The following URI1 variants were observed in gnomAD, a reference collection of about 807,000 sequenced individuals.
The protein encoded by URI1 is unconventional prefoldin RPB5 interactor 1.
In URI1, 39 loss-of-function variants were observed where a neutral mutation model predicts 60.2. The ratio of observed to expected loss-of-function variants is 0.65; its 90% CI spans 0.50 to 0.85. The LOEUF (loss-of-function observed/expected upper bound fraction) is 0.85. URI1 is among the 40% of genes least tolerant of loss of function. The pLI is 0.00. For missense variants in URI1, 691 were observed against 665.9 expected (o/e 1.04, Z -0.42); for synonymous variants, 251 against 236.8 (o/e 1.06, Z -0.55).
intron 4 of URI1, among the ~76,000 whole-genome samples, chr19:29,997,350 A>G (rs2055824852): frequency 6.6e-6 from 1 of 151,926 alleles, no homozygotes; most frequent in East Asian, 1.9e-4. Context: ...TGTTTGTACT[A>G]TTTCTGTATA....
In URI1 at chr19:30,008,231, C is replaced by T. The variant is rs185256049; in HGVS notation, c.686+593C>T. Among the ~76,000 whole-genome samples, 1,246 of 152,124 alleles carry T rather than the reference C, an allele frequency of 8.2e-3. 7 individuals carry two copies. Among genetic ancestry groups the T allele is most frequent in the Non-Finnish European group, 0.011 (757 of 67,940 alleles). On this transcript the variant is annotated intron_variant, in intron 7 of 10. Coordinates refer to ENST00000392271, the MANE Select transcript of URI1 (RefSeq NM_003796.3). ...AAAATGCTAAATGAAATCTGCTACT[C>T]GAGAAGTTCTATATTATTTTGCTTA...
chr19:29,997,701 G>A (rs1288753923), intron 4 of URI1, among the ~76,000 whole-genome samples: 3 of 151,466 alleles, frequency 2.0e-5, no homozygotes, highest in Non-Finnish European at 4.4e-5. Context: ...ATCTTTCTTA[G>A]CATTGCTTTG....
At chr19:29,998,639 G>T (rs1046127987) in intron 4 of URI1, among the ~76,000 whole-genome samples, 2 of 151,744 alleles carry the variant, frequency 1.3e-5, no homozygotes, top group African/African-American at 2.4e-5. Context: ...TTCTTTTTTG[G>T]TTACTATTGG....
chr19:29,982,223 T>C (rs886273917), intron 2 of URI1, among the ~76,000 whole-genome samples: 3 of 152,240 alleles, frequency 2.0e-5, no homozygotes, highest in African/African-American at 7.2e-5. Flanking sequence ...ATTCAAAATT[T>C]ATAAATAGCA....
intron 1 of URI1, among the ~76,000 whole-genome samples, chr19:29,927,608 G>A (rs778403648): frequency 1.3e-4 from 14 of 108,906 alleles, no homozygotes; most frequent in Non-Finnish European, 2.2e-4. Context: ...TCACTCTGTC[G>A]CCCAGGCTAG....
rs190941585 is a variant in URI1, at chr19:30,007,536, T to C, written c.584T>C (p.Ile195Thr). Residue 195 changes from isoleucine (I) to threonine (T), a missense_variant, in exon 7 of 11, where the codon ATT becomes ACT. Ile to Thr is a moderately conservative substitution (Grantham distance 89). Coordinates refer to ENST00000392271, the MANE Select transcript of URI1 (RefSeq NM_003796.3). ...PKTSDIFEADIANDVKSKDLL... is the reference protein window; with the variant it reads ...PKTSDIFEADTANDVKSKDLL... ...ACTTCAGATATTTTTGAAGCAGATA[T>C]TGCAAATGATGTGAAATCCAAGGAT... The C allele has an allele frequency of 9.3e-6, 15 of 1,613,540 alleles. No individual in the cohort carries two copies. The highest frequency in any genetic ancestry group is 1.3e-5 in the African/African-American group (1 of 74,988).
chr19:29,969,577 CAT>C (rs1285114013), intron 1 of URI1, among the ~76,000 whole-genome samples: 1 of 152,100 alleles, frequency 6.6e-6, no homozygotes, highest in East Asian at 1.9e-4. Flanking sequence ...AAAGGATTAT[CAT>C]GTAGAGGTTA....
At chr19:29,981,258 T>C (rs1472359657) in intron 2 of URI1, among the ~76,000 whole-genome samples, 1 of 152,184 alleles carries the variant, frequency 6.6e-6, no homozygotes, top group Non-Finnish European at 1.5e-5. Context: ...TGTACCCTAA[T>C]CCGTTAATCC....
chr19:29,993,587 G>A (rs1024612737), intron 4 of URI1, among the ~76,000 whole-genome samples: 4 of 151,974 alleles, frequency 2.6e-5, no homozygotes, highest in South Asian at 4.1e-4. Context: ...CGTTAGCACC[G>A]AATACAGCTT....
At chr19:30,003,993 T>G (rs905732355) in intron 4 of URI1, among the ~76,000 whole-genome samples, 1 of 152,050 alleles carries the variant, frequency 6.6e-6, no homozygotes, top group Non-Finnish European at 1.5e-5. Flanking sequence ...TATGCTGTTA[T>G]GTGACCATGC....
intron 1 of URI1, among the ~76,000 whole-genome samples, chr19:29,945,972 C>T (rs1360394695): frequency 2.0e-5 from 3 of 151,926 alleles, no homozygotes; most frequent in Non-Finnish European, 4.4e-5. Context: ...TGGCTCTTGG[C>T]TGGTTTGAAT....
At chr19:29,939,611 G>A (rs527953330), upstream of URI1, among the ~76,000 whole-genome samples, 10 of 152,320 alleles carry the variant, frequency 6.6e-5, no homozygotes, top group South Asian at 2.1e-3. Context: ...GTGCTACAAA[G>A]AAAATTTAAA....
At chr19:29,955,661 C>CT (rs11330190) in intron 1 of URI1, among the ~76,000 whole-genome samples, 2 of 147,790 alleles carry the variant, frequency 1.4e-5, no homozygotes, top group African/African-American at 4.9e-5. Context: ...TTTTTCTTTT[C>CT]TTTTTTTTTT....
rs113042058 is a variant in URI1, at chr19:30,005,713, G to A, written c.517+5G>A. On this transcript the variant is annotated splice_donor_5th_base_variant and intron_variant, in intron 6 of 10. Coordinates refer to ENST00000392271, the MANE Select transcript of URI1 (RefSeq NM_003796.3). ...AATGTGACTTCGAATTTAAAGGTAA[G>A]CAGTAAGATTGTTTTATGTGTAGCT... 7 of 1,609,462 alleles carry A rather than the reference G, an allele frequency of 4.3e-6. No homozygotes were observed. The African/African-American group carries it at 6.7e-5, about 15-fold the overall frequency.
intron 1 of URI1, among the ~76,000 whole-genome samples, chr19:29,937,028 A>T (rs1255447337): frequency 6.6e-6 from 1 of 152,210 alleles, no homozygotes; most frequent in Non-Finnish European, 1.5e-5. Context: ...CTGGGATTAC[A>T]GGCATGAGCC....
chr19:29,970,112 A>G (rs936653719), intron 1 of URI1, among the ~76,000 whole-genome samples: 1 of 150,832 alleles, frequency 6.6e-6, no homozygotes, highest in East Asian at 1.9e-4. Context: ...TGACAGGTCT[A>G]AAAAAAATCG....
chr19:29,963,578 T>A (rs2055353165), intron 1 of URI1, among the ~76,000 whole-genome samples: 1 of 152,226 alleles, frequency 6.6e-6, no homozygotes, highest in Non-Finnish European at 1.5e-5. Context: ...TGTTTGGTTC[T>A]GTTTTATATA....
intron 4 of URI1, among the ~76,000 whole-genome samples, chr19:30,003,512 T>C (rs1379607309): frequency 6.6e-6 from 1 of 152,086 alleles, no homozygotes; most frequent in South Asian, 2.1e-4. Flanking sequence ...TTCTTGAATT[T>C]AAAAATGGAA....
intron 1 of URI1, among the ~76,000 whole-genome samples, chr19:29,927,303 G>T (rs2054876982): frequency 2.1e-5 from 3 of 139,690 alleles, no homozygotes; most frequent in African/African-American, 2.7e-5. Flanking sequence ...TTGCTGTCTT[G>T]CTCAGGCTGG....
Sources: gnomAD v4.1 joint callset for allele counts (sites outside exome capture counted in the v4.1 genomes callset) on GRCh38, gnomAD v4.1.1 for gene constraint, MANE v1.5 for transcripts, NCBI Gene and HGNC (gene_info 2026-07-23, HGNC 2026-07-21) for gene names.